Variants in IGFL2 observed in about 807,000 individuals in gnomAD.
IGFL2 encodes IGF like family member 2.
In IGFL2, 7 loss-of-function variants were observed where a neutral mutation model predicts 13.9. The ratio of observed to expected loss-of-function variants is 0.51; its 90% CI spans 0.29 to 0.95. IGFL2 has a LOEUF of 0.95. IGFL2 is among the 40% of genes least tolerant of loss of function. The pLI, the probability that IGFL2 is intolerant of heterozygous loss-of-function variation, is 0.08. For missense variants in IGFL2, 138 were observed against 147.8 expected (o/e 0.93, Z 0.34); for synonymous variants, 55 against 55.8 (o/e 0.99, Z 0.07).
At chr19:46,211,982 TC>T in the IGFL2 span, 1 of 152,186 alleles carries the variant, frequency 6.6e-6, no homozygotes, top group Non-Finnish European at 1.5e-5. Flanking sequence ...TACACACAGT[TC>T]CAATAAGAGT....
chr19:46,123,072 G>A, the IGFL2 span, among the ~76,000 whole-genome samples: 1 of 150,840 alleles, frequency 6.6e-6, no homozygotes, highest in Non-Finnish European at 1.5e-5. Context: ...CTAAAGATTG[G>A]TATACCACCA....
the IGFL2 span, among the ~76,000 whole-genome samples, chr19:46,134,733 A>T: frequency 6.6e-6 from 1 of 152,338 alleles, no homozygotes; most frequent in South Asian, 2.1e-4. Flanking sequence ...AAGGTGAGTG[A>T]TGGGGAGCAG....
chr19:46,165,960 A>G (rs894720791), downstream of IGFL2, among the ~76,000 whole-genome samples: 4 of 152,218 alleles, frequency 2.6e-5, no homozygotes, highest in Admixed American at 6.5e-5. Flanking sequence ...GTGGAAGGAC[A>G]TTCTCCATTG....
the IGFL2 span, among the ~76,000 whole-genome samples, chr19:46,166,735 C>T: frequency 6.6e-6 from 1 of 151,840 alleles, no homozygotes. Context: ...TTCTCAGGGA[C>T]GTTCCATGCT....
the IGFL2 span, among the ~76,000 whole-genome samples, chr19:46,171,803 T>C: frequency 1.3e-5 from 2 of 152,324 alleles, no homozygotes; most frequent in Non-Finnish European, 2.9e-5. Flanking sequence ...TGGAGGATAT[T>C]ACAAGGAACC....
At chr19:46,107,295 G>A in the IGFL2 span, among the ~76,000 whole-genome samples, 9 of 152,156 alleles carry the variant, frequency 5.9e-5, no homozygotes, top group Non-Finnish European at 1.5e-5. Context: ...CAAGGTGATC[G>A]GGCAGCGTCA....
At chr19:46,160,963 T>C (rs961500237) in intron 3 of IGFL2, 82 bp downstream of exon 3, 12 of 1,562,860 alleles carry the variant, frequency 7.7e-6, no homozygotes, top group Admixed American at 7.0e-5. Flanking sequence ...TCATCACTCC[T>C]TTTGAAGAGC....
the IGFL2 span, among the ~76,000 whole-genome samples, chr19:46,121,501 GCC>G: frequency 6.7e-6 from 1 of 150,210 alleles, no homozygotes; most frequent in African/African-American, 2.5e-5. Flanking sequence ...CATCTCAACA[GCC>G]CACTGAGAGG....
chr19:46,109,935 A>G, the IGFL2 span, among the ~76,000 whole-genome samples: 16 of 152,184 alleles, frequency 1.1e-4, no homozygotes, highest in African/African-American at 3.4e-4. Context: ...TGCGGGTCAC[A>G]GGGGATATGA....
chr19:46,180,210 C>G, the IGFL2 span, among the ~76,000 whole-genome samples: 1,118 of 150,112 alleles, frequency 7.4e-3, 17 homozygotes, highest in African/African-American at 0.025. Flanking sequence ...ACAGAGTCTC[C>G]CTCTGTTGCG....
chr19:46,158,596 G>A (rs960693198), intron 1 of IGFL2, among the ~76,000 whole-genome samples: 86 of 152,180 alleles, frequency 5.7e-4, no homozygotes, highest in African/African-American at 2.0e-3. Flanking sequence ...TATATGGAAA[G>A]GCAGAGGAAC....
At chr19:46,161,001 G>C in intron 3 of IGFL2, 69 bp from the exon 4 acceptor site, 1 of 1,548,724 alleles carries the variant, frequency 6.5e-7, no homozygotes, top group Non-Finnish European at 8.8e-7. Context: ...ATCTCTAGCA[G>C]TTTCTCAAAT....
At chr19:46,085,656 C>T in the IGFL2 span, among the ~76,000 whole-genome samples, 1 of 152,066 alleles carries the variant, frequency 6.6e-6, no homozygotes, top group Admixed American at 6.6e-5. Context: ...GGGTTTGATC[C>T]TGTCATCATG....
the IGFL2 span, among the ~76,000 whole-genome samples, chr19:46,188,281 C>T: frequency 6.6e-6 from 1 of 152,040 alleles, no homozygotes; most frequent in Non-Finnish European, 1.5e-5. Context: ...TAGTGGGGGG[C>T]CCAGTGTGTG....
chr19:46,090,455 A>G, the IGFL2 span, among the ~76,000 whole-genome samples: 36 of 152,326 alleles, frequency 2.4e-4, no homozygotes, highest in East Asian at 4.0e-3. Flanking sequence ...CAACATCTGC[A>G]TATTTTAAGA....
chr19:46,148,015 G>T (rs910972847), upstream of IGFL2: 4 of 451,286 alleles, frequency 8.9e-6, no homozygotes, highest in African/African-American at 4.0e-5. Context: ...GCTTTGAAAG[G>T]TTCTAGGGAA....
chr19:46,137,335 G>T, the IGFL2 span: 1 of 1,098,574 alleles, frequency 9.1e-7, no homozygotes, highest in East Asian at 2.4e-5. Context: ...TGAGAAGCTT[G>T]TGGCGGGCGT....
chr19:46,120,257 C>A, the IGFL2 span: 41 of 1,601,490 alleles, frequency 2.6e-5, 1 homozygote, highest in Non-Finnish European at 3.0e-5. Context: ...CGAAGTTCAA[C>A]TGTAGTCTCC....
chr19:46,085,174 C>T, the IGFL2 span, among the ~76,000 whole-genome samples: 239 of 152,008 alleles, frequency 1.6e-3, 1 homozygote, highest in African/African-American at 5.0e-3. Flanking sequence ...TGCAGTGAGC[C>T]GAGATTGCGC....
Sources: allele counts gnomAD v4.1 joint callset (sites outside exome capture counted in the v4.1 genomes callset), GRCh38; gene constraint gnomAD v4.1.1; transcripts MANE v1.5; gene names NCBI Gene and HGNC (gene_info 2026-07-23, HGNC 2026-07-21).